DCC: variants seen among roughly 807,000 people sequenced by gnomAD.
DCC encodes netrin receptor DCC.
DCC carries 58 observed loss-of-function variants against 172.5 expected under a neutral mutation model. That is an observed-to-expected ratio of 0.34 (90% CI 0.27 to 0.42). DCC has a LOEUF of 0.42. DCC is among the 10% of genes least tolerant of loss of function. DCC has a pLI of 1.00. For synonymous variants in DCC, 709 were observed against 644.5 expected (o/e 1.10, Z -1.52); for missense variants, 1,740 against 1,791.0 (o/e 0.97, Z 0.51).
At chr18:52,720,121 G>T (rs1470218307) in intron 1 of DCC, among the ~76,000 whole-genome samples, 2 of 152,084 alleles carry the variant, frequency 1.3e-5, no homozygotes, top group Non-Finnish European at 2.9e-5. Context: ...CTGGTGCCAG[G>T]AACCATTAGA....
chr18:52,977,547 C>T (rs1432569019), intron 5 of DCC, among the ~76,000 whole-genome samples: 2 of 151,970 alleles, frequency 1.3e-5, no homozygotes, highest in Non-Finnish European at 2.9e-5. Flanking sequence ...ATTCTTGTTC[C>T]TCTGTATGTG....
intron 6 of DCC, among the ~76,000 whole-genome samples, chr18:53,064,207 A>G (rs1041133526): frequency 6.6e-6 from 1 of 152,168 alleles, no homozygotes; most frequent in African/African-American, 2.4e-5. Flanking sequence ...GGAGTGCTCA[A>G]TACCTTCCAT....
At chr18:52,397,995 T>G (rs1986295043) in intron 1 of DCC, among the ~76,000 whole-genome samples, 1 of 152,002 alleles carries the variant, frequency 6.6e-6, no homozygotes, top group Non-Finnish European at 1.5e-5. Context: ...TGCTTTTAAG[T>G]AATAGGGCTG....
chr18:52,992,236 A>G (rs1380437832), intron 5 of DCC, among the ~76,000 whole-genome samples: 2 of 152,192 alleles, frequency 1.3e-5, no homozygotes, highest in African/African-American at 4.8e-5. Context: ...CCTAGTCAGT[A>G]TAGGGCTGAA....
intron 2 of DCC, among the ~76,000 whole-genome samples, chr18:52,811,292 A>G (rs16955544): frequency 0.076 from 11,614 of 152,160 alleles, 1,423 homozygotes; most frequent in African/African-American, 0.26. Context: ...TTTTGGTGGT[A>G]TTATGTAATG....
chr18:53,358,398 T>C (rs1418284568), intron 15 of DCC, among the ~76,000 whole-genome samples: 1 of 152,068 alleles, frequency 6.6e-6, no homozygotes, highest in South Asian at 2.1e-4. Context: ...GATAGTAGGC[T>C]TAAAGACCAA....
chr18:52,580,472 A>T (rs2033519326), intron 1 of DCC, among the ~76,000 whole-genome samples: 1 of 152,200 alleles, frequency 6.6e-6, no homozygotes. Context: ...GTTAAGAGAT[A>T]TGGAGCAAGA....
chr18:53,043,301 T>A (rs1440263921), intron 5 of DCC, among the ~76,000 whole-genome samples: 1 of 113,078 alleles, frequency 8.8e-6, no homozygotes, highest in African/African-American at 3.5e-5. Context: ...TATCACACAG[T>A]GGGGCCTGCT....
chr18:53,328,761 C>A (rs1367052804), intron 14 of DCC, among the ~76,000 whole-genome samples: 1 of 152,030 alleles, frequency 6.6e-6, no homozygotes, highest in Non-Finnish European at 1.5e-5. Flanking sequence ...TCTTGAACTC[C>A]TGACCTCAGG....
At position 52,983,247 on chromosome 18, in the gene DCC, A is replaced by G. The variant is rs1182578103; in HGVS notation, c.985+57877A>G. ...GACTTGAAAGCAACATTAGGAGTTA[A>G]CCAGGAAAAGGGGCAAAGACATTTA... is the stretch of plus-strand genomic sequence containing the variant. On this transcript the variant is annotated intron_variant, in intron 5 of 28. Transcript: ENST00000442544. Among the ~76,000 whole-genome samples the G allele has an allele frequency of 2.0e-5, 3 of 152,186 alleles. No homozygotes were observed. In the East Asian group the frequency reaches 5.8e-4, roughly 29 times the overall value.
chr18:52,340,470 G>A lies in DCC; in HGVS notation c.-318G>A. The A allele has an allele frequency of 4.4e-6, 2 of 455,314 alleles. No individual in the cohort carries two copies. The highest frequency in any genetic ancestry group is 4.5e-5 in the East Asian group (1 of 22,452). The allele number at this position is 455,314 out of a possible 1,614,324, so 28.2% of individuals were successfully genotyped here. A position where few individuals can be genotyped will look rare whatever the true frequency, so the allele number is the denominator to read the frequency against. ...TGACTTGCGAGCCCCTCAGAGAGCT[G>A]TCTTCCCTCCTCTGGCTCCCTCCGT... On this transcript the variant is annotated 5_prime_UTR_variant, in exon 1 of 29. Coordinates refer to ENST00000442544, the MANE Select transcript of DCC (RefSeq NM_005215.4).
chr18:52,534,556 A>G (rs955663020), intron 1 of DCC, among the ~76,000 whole-genome samples: 4 of 152,158 alleles, frequency 2.6e-5, no homozygotes, highest in African/African-American at 9.6e-5. Context: ...TTGCGCAAAT[A>G]TTTACTGAGA....
At chr18:52,984,307 A>G (rs1598998276) in intron 5 of DCC, among the ~76,000 whole-genome samples, 1 of 152,242 alleles carries the variant, frequency 6.6e-6, no homozygotes, top group South Asian at 2.1e-4. Context: ...ATTAGTGTGG[A>G]AGTCCCTCCA....
intron 1 of DCC, among the ~76,000 whole-genome samples, chr18:52,420,031 C>A (rs998556124): frequency 4.6e-5 from 7 of 152,116 alleles, no homozygotes; most frequent in Non-Finnish European, 8.8e-5. Flanking sequence ...CAGGAGTTGA[C>A]AATGTATTTA....
intron 26 of DCC, among the ~76,000 whole-genome samples, chr18:53,496,605 T>C (rs1195796865): frequency 1.3e-5 from 2 of 152,164 alleles, no homozygotes; most frequent in Non-Finnish European, 2.9e-5. Flanking sequence ...GGACAGAGAA[T>C]GAGTCTGATG....
At chr18:53,527,317 C>CTTGGG in intron 28 of DCC, among the ~76,000 whole-genome samples, 1 of 151,558 alleles carries the variant, frequency 6.6e-6, no homozygotes, top group South Asian at 2.1e-4. Context: ...CTTCTTAGCT[C>CTTGGG]AAGCAGTTCT....
chr18:52,657,275 T>C (rs192153706), intron 1 of DCC, among the ~76,000 whole-genome samples: 11 of 152,314 alleles, frequency 7.2e-5, no homozygotes, highest in Admixed American at 7.2e-4. Context: ...TGGCTGCATC[T>C]CTTCCCCTCC....
At chr18:52,877,275 G>T (rs1044365399) in intron 2 of DCC, among the ~76,000 whole-genome samples, 3 of 152,156 alleles carry the variant, frequency 2.0e-5, no homozygotes, top group Non-Finnish European at 4.4e-5. Flanking sequence ...GTCCCTTGTT[G>T]TCACAACTGA....
intron 12 of DCC, among the ~76,000 whole-genome samples, chr18:53,296,074 C>G (rs543049795): frequency 6.6e-6 from 1 of 152,270 alleles, no homozygotes; most frequent in South Asian, 2.1e-4. Flanking sequence ...TAGACAATTT[C>G]TCTCTCTCAG....
Sources: allele counts gnomAD v4.1 joint callset (sites outside exome capture counted in the v4.1 genomes callset), GRCh38; gene constraint gnomAD v4.1.1; transcripts MANE v1.5; gene names NCBI Gene and HGNC (gene_info 2026-07-23, HGNC 2026-07-21).